Variants in ANOS1 observed in about 807,000 individuals in gnomAD.
ANOS1 encodes the protein anosmin 1.
A neutral mutation model predicts 59.0 loss-of-function variants in ANOS1; 6 were observed. The ratio of observed to expected loss-of-function variants is 0.10; its 90% CI spans 0.06 to 0.20. The LOEUF (loss-of-function observed/expected upper bound fraction) is 0.20, where lower values mean the gene tolerates loss of function less well. Among genes scored for constraint, ANOS1 ranks in the 10% least tolerant of loss-of-function variants. The pLI, the probability that ANOS1 is intolerant of heterozygous loss-of-function variation, is 1.00. For synonymous variants in ANOS1, 217 were observed against 223.4 expected (o/e 0.97, Z 0.25); for missense variants, 433 against 542.3 (o/e 0.80, Z 2.00).
At chrX:8,673,030 A>C (rs1441891116) in intron 2 of ANOS1, among the ~76,000 whole-genome samples, 1 of 111,716 alleles carries the variant, frequency 9.0e-6, no homozygotes, top group Admixed American at 9.6e-5. Context: ...TCCGCACATC[A>C]TAGTATAAAA....
intron 2 of ANOS1, among the ~76,000 whole-genome samples, chrX:8,639,737 T>C (rs111676863): frequency 0.056 from 6,241 of 112,201 alleles, 415 homozygotes; most frequent in African/African-American, 0.19. Flanking sequence ...CAGAATGGCA[T>C]CTTCTGTTGG....
chrX:8,624,066 AG>A (rs1301750749), intron 2 of ANOS1, among the ~76,000 whole-genome samples: 2 of 87,609 alleles, frequency 2.3e-5, no homozygotes, highest in African/African-American at 9.2e-5. Context: ...CCTAGGCTGG[AG>A]TGTGATGGGG....
Position 8,587,990 on chromosome X carries a change from C to A in ANOS1, c.542-12G>T. ...CTTCAGGGGGACACCTGAAACAGGA[C>A]CGTATCAATTAAAACAATCTGCGTG... is the stretch of plus-strand genomic sequence containing the variant. On this transcript the variant is annotated splice_polypyrimidine_tract_variant and intron_variant, in intron 4 of 13. Transcript: ENST00000262648. 1 of 1,194,846 alleles carries A rather than the reference C, an allele frequency of 8.4e-7. No homozygotes were observed. Among genetic ancestry groups the A allele is most frequent in the Non-Finnish European group, 1.1e-6 (1 of 881,806 alleles).
At chrX:8,564,546 G>A (rs893324013) in intron 8 of ANOS1, among the ~76,000 whole-genome samples, 21 of 111,383 alleles carry the variant, frequency 1.9e-4, no homozygotes, top group Admixed American at 5.8e-4. Context: ...GGATTATGAC[G>A]GATACTGTGA....
intron 2 of ANOS1, among the ~76,000 whole-genome samples, chrX:8,679,858 G>C (rs1932394163): frequency 9.0e-6 from 1 of 111,271 alleles, no homozygotes; most frequent in African/African-American, 3.3e-5. Flanking sequence ...ACCACACTTT[G>C]AGTAGCAAGA....
At chrX:8,616,471 T>C (rs896305978) in intron 3 of ANOS1, among the ~76,000 whole-genome samples, 1 of 111,644 alleles carries the variant, frequency 9.0e-6, no homozygotes, top group Non-Finnish European at 1.9e-5. Context: ...ATGGCATTTG[T>C]TCTTTCAGCC....
chrX:8,699,737 A>T lies in ANOS1; in HGVS notation c.216T>A (p.Gly72=). 1 of 1,194,899 alleles carries T rather than the reference A, an allele frequency of 8.4e-7. No homozygotes were observed. Among genetic ancestry groups the T allele is most frequent in the Non-Finnish European group, 1.1e-6 (1 of 883,451 alleles). ...SAFFQHFQNN[G]SLVWCQNHKQ... is the part of the protein sequence containing the mutation. ...TGTGATTCTGGCACCAAACCAGGGA[A>T]CCATTGTTCTGCAAAAAGAAAAAGG... Residue 72 remains glycine, a synonymous_variant, in exon 2 of 14, where the codon GGT becomes GGA. Transcript: ENST00000262648.
chrX:8,707,535 G>T (rs1342561733), intron 1 of ANOS1, among the ~76,000 whole-genome samples: 1 of 111,547 alleles, frequency 9.0e-6, no homozygotes, highest in African/African-American at 3.3e-5. Flanking sequence ...TTTTTATAGG[G>T]TGTAGATACA....
At chrX:8,600,928 C>T (rs764403843) in intron 3 of ANOS1, among the ~76,000 whole-genome samples, 2 of 111,942 alleles carry the variant, frequency 1.8e-5, no homozygotes, top group East Asian at 5.6e-4. Flanking sequence ...TGGTGGCTCA[C>T]GCCTGTAATC....
chrX:8,697,940 G>C (rs1176284529), intron 2 of ANOS1, among the ~76,000 whole-genome samples: 1 of 111,890 alleles, frequency 8.9e-6, no homozygotes, highest in Non-Finnish European at 1.9e-5. Context: ...AAGAGAAAAA[G>C]CCCACCTAGT....
intron 6 of ANOS1, among the ~76,000 whole-genome samples, chrX:8,571,646 G>A (rs1436154543): frequency 8.9e-6 from 1 of 111,880 alleles, no homozygotes; most frequent in East Asian, 2.8e-4. Context: ...AGAAAGATGA[G>A]GTGCTGGAAT....
At chrX:8,615,629 C>G (rs940944643) in intron 3 of ANOS1, among the ~76,000 whole-genome samples, 12 of 110,909 alleles carry the variant, frequency 1.1e-4, no homozygotes, top group Non-Finnish European at 1.9e-5. Flanking sequence ...CTGGTCCTTA[C>G]TCTCAGCTGG....
At chrX:8,666,649 C>G (rs953926842) in intron 2 of ANOS1, among the ~76,000 whole-genome samples, 1 of 112,176 alleles carries the variant, frequency 8.9e-6, no homozygotes, top group East Asian at 2.8e-4. Flanking sequence ...ATCTCAGACA[C>G]AGGGATGACC....
intron 2 of ANOS1, among the ~76,000 whole-genome samples, chrX:8,628,419 A>T (rs1234035038): frequency 2.7e-5 from 3 of 112,019 alleles, no homozygotes; most frequent in African/African-American, 9.7e-5. Flanking sequence ...TTACTTTCTT[A>T]ATAAACTTGC....
intron 2 of ANOS1, among the ~76,000 whole-genome samples, chrX:8,634,854 C>T (rs1428583304): frequency 9.0e-6 from 1 of 111,475 alleles, no homozygotes; most frequent in Non-Finnish European, 1.9e-5. Flanking sequence ...TAGGAATAAA[C>T]AGATTTAAAG....
chrX:8,731,427 T>C (rs1455045190), intron 1 of ANOS1, among the ~76,000 whole-genome samples: 1 of 110,987 alleles, frequency 9.0e-6, no homozygotes, highest in African/African-American at 3.3e-5. Flanking sequence ...CGGACGCGCC[T>C]CCCAGACTCC....
At chrX:8,707,561 A>G (rs929420137) in intron 1 of ANOS1, among the ~76,000 whole-genome samples, 3 of 112,003 alleles carry the variant, frequency 2.7e-5, no homozygotes, top group African/African-American at 9.7e-5. Context: ...TAAAGAAAAT[A>G]TATAGAACAG....
chrX:8,623,461 C>A, intron 3 of ANOS1, 147 bp downstream of exon 3: 1 of 503,302 alleles, frequency 2.0e-6, no homozygotes, highest in Admixed American at 3.0e-5. Context: ...ATATTTTTTA[C>A]ATGAATTTAC....
rs775441142 is a variant in ANOS1 at position 8,677,641 on chromosome X, C to T, written c.255+22057G>A. ...AAGAAAATTTACTGAGATTATTTTT[C>T]GAAAACAGATACAACAGTTAAGAAA... On this transcript the variant is annotated intron_variant, in intron 2 of 13. Coordinates refer to ENST00000262648, the MANE Select transcript of ANOS1 (RefSeq NM_000216.4). Among the ~76,000 whole-genome samples, 4 of 111,199 alleles carry T rather than the reference C, an allele frequency of 3.6e-5. No homozygotes were observed. In the East Asian group the frequency reaches 8.4e-4, roughly 23 times the overall value.
Sources: allele counts gnomAD v4.1 joint callset (sites outside exome capture counted in the v4.1 genomes callset), GRCh38; gene constraint gnomAD v4.1.1; transcripts MANE v1.5; gene names NCBI Gene and HGNC (gene_info 2026-07-23, HGNC 2026-07-21).